The following CDK6 variants were observed in gnomAD, a reference collection of about 807,000 sequenced individuals.
CDK6 encodes the protein cyclin-dependent kinase 6.
CDK6 carries 6 observed loss-of-function variants against 37.1 expected under a neutral mutation model. The observed-to-expected ratio is 0.16, with a 90% CI of 0.09 to 0.32. The LOEUF (loss-of-function observed/expected upper bound fraction) is 0.32. Ranked by LOEUF, CDK6 falls within the 10% of genes least tolerant of loss-of-function variation. CDK6 has a pLI of 1.00. For synonymous variants in CDK6, 160 were observed against 161.3 expected (o/e 0.99, Z 0.06); for missense variants, 224 against 418.9 (o/e 0.53, Z 4.06).
Position 92,774,811 on chromosome 7 carries a change from A to C in CDK6, c.254T>G (p.Val85Gly), listed in dbSNP as rs1247454560. Reference sequence around the variant, plus strand: ...TTTGGTTTCTCTGTCTGTTCGTGACACTGTGCACACATCAAACAACCTAGA... The same window carrying C: ...TTTGGTTTCTCTGTCTGTTCGTGACCCTGTGCACACATCAAACAACCTAGA... Reference protein sequence around the residue: ...NVVRLFDVCTVSRTDRETKLT... With the variant: ...NVVRLFDVCTGSRTDRETKLT... Residue 85 changes from valine to glycine, a missense_variant, in exon 3 of 8, where the codon GTG becomes GGG. Val to Gly is a moderately radical substitution (Grantham distance 109, BLOSUM62 -3). Transcript: ENST00000424848. 1 of 1,611,042 alleles carries C rather than the reference A, an allele frequency of 6.2e-7. No homozygotes were observed. Among genetic ancestry groups the C allele is most frequent in the East Asian group, 2.2e-5 (1 of 44,724 alleles).
At chr7:92,741,988 T>A (rs1039131265) in intron 3 of CDK6, among the ~76,000 whole-genome samples, 1 of 152,136 alleles carries the variant, frequency 6.6e-6, no homozygotes, top group Non-Finnish European at 1.5e-5. Context: ...GCTTTTAATA[T>A]TTAAAGCATA....
intron 5 of CDK6, among the ~76,000 whole-genome samples, chr7:92,634,240 AT>A (rs1195087205): frequency 1.3e-5 from 2 of 151,920 alleles, no homozygotes; most frequent in Admixed American, 6.6e-5. Context: ...TCAGGTTACC[AT>A]TTTTCCCCCA....
intron 2 of CDK6, among the ~76,000 whole-genome samples, chr7:92,821,447 A>G (rs1166726573): frequency 6.6e-6 from 1 of 152,092 alleles, no homozygotes; most frequent in African/African-American, 2.4e-5. Context: ...AAGCCCCTAC[A>G]TGTTGGAGTA....
At chr7:92,787,237 A>G (rs1203851600) in intron 2 of CDK6, among the ~76,000 whole-genome samples, 3 of 151,702 alleles carry the variant, frequency 2.0e-5, no homozygotes, top group Non-Finnish European at 4.4e-5. Flanking sequence ...TCTGGGTGAT[A>G]AGATTTTGGA....
intron 4 of CDK6, among the ~76,000 whole-genome samples, chr7:92,716,902 GT>G (rs1282778525): frequency 6.6e-6 from 1 of 152,100 alleles, no homozygotes; most frequent in East Asian, 1.9e-4. Context: ...GAGGCAAAAT[GT>G]TTTTTCATCT....
chr7:92,607,596 AT>A lies in CDK6; in HGVS notation c.*7543del, dbSNP rs1795457210. 3.0e-5 allele frequency: 7 copies of A among 232,816 alleles called. No individual in the cohort carries two copies. The South Asian group carries it at 1.3e-3, about 42-fold the overall frequency. The allele number at this position is 232,816 out of a possible 1,614,324, so 14.4% of individuals were successfully genotyped here. A position where few individuals can be genotyped will look rare whatever the true frequency, so the allele number is the denominator to read the frequency against. ...GTCCATCAATACCATGATAATGAACATTAGATGCAAAATCCTAACACTTTCT... is the reference window on the plus strand; with the variant it reads ...GTCCATCAATACCATGATAATGAACATAGATGCAAAATCCTAACACTTTCT... On this transcript the variant is annotated 3_prime_UTR_variant, in exon 8 of 8. Transcript: ENST00000424848.
intron 3 of CDK6, among the ~76,000 whole-genome samples, chr7:92,738,295 GT>G (rs1798834014): frequency 2.0e-5 from 3 of 152,026 alleles, no homozygotes; most frequent in Admixed American, 2.0e-4. Flanking sequence ...TGAGAACTGG[GT>G]TAACGATCTA....
chr7:92,687,928 A>C (rs1797500626), intron 4 of CDK6, among the ~76,000 whole-genome samples: 1 of 152,102 alleles, frequency 6.6e-6, no homozygotes, highest in African/African-American at 2.4e-5. Context: ...ATATGTAAAA[A>C]CTGTGTATGC....
At chr7:92,679,436 G>A (rs902297719) in intron 4 of CDK6, among the ~76,000 whole-genome samples, 1 of 152,172 alleles carries the variant, frequency 6.6e-6, no homozygotes, top group Non-Finnish European at 1.5e-5. Flanking sequence ...GTGTTCCAGT[G>A]TGGTGATATT....
intron 2 of CDK6, among the ~76,000 whole-genome samples, chr7:92,821,142 T>C (rs1801162671): frequency 6.6e-6 from 1 of 152,060 alleles, no homozygotes; most frequent in Admixed American, 6.6e-5. Flanking sequence ...TGAGCCAACA[T>C]GTACATTCAA....
rs944565083 is a variant in CDK6, at chr7:92,606,042, G to A, written c.*9098C>T. The A allele has an allele frequency of 8.6e-6, 2 of 233,560 alleles. No individual in the cohort carries two copies. The highest frequency in any genetic ancestry group is 5.6e-5 in the Admixed American group (1 of 17,780). 14.5% of individuals were successfully genotyped at this position (233,560 alleles called of 1,614,324 possible). On this transcript the variant is annotated 3_prime_UTR_variant, in exon 8 of 8. Coordinates refer to ENST00000424848, the MANE Select transcript of CDK6 (RefSeq NM_001145306.2). ...GTAGCAATATAAGCAAACGGAATAAGAATAATTATGCACCTTTAAGGAACA... is the reference window on the plus strand; with the variant it reads ...GTAGCAATATAAGCAAACGGAATAAAAATAATTATGCACCTTTAAGGAACA...
At chr7:92,725,579 A>C in intron 4 of CDK6, 47 bp downstream of exon 4, 1 of 1,561,696 alleles carries the variant, frequency 6.4e-7, no homozygotes, top group Non-Finnish European at 8.7e-7. Flanking sequence ...CTGTCATTCA[A>C]AATAGGAAAA....
chr7:92,757,105 GT>G (rs1381051090), intron 3 of CDK6, among the ~76,000 whole-genome samples: 1 of 152,130 alleles, frequency 6.6e-6, no homozygotes, highest in Non-Finnish European at 1.5e-5. Flanking sequence ...TGCCAATATA[GT>G]CTTTAAGGAT....
intron 2 of CDK6, among the ~76,000 whole-genome samples, chr7:92,791,147 G>A (rs1378336090): frequency 6.6e-6 from 1 of 152,070 alleles, no homozygotes; most frequent in Non-Finnish European, 1.5e-5. Flanking sequence ...GGTTGAGTTG[G>A]CAGGACTTGC....
intron 3 of CDK6, among the ~76,000 whole-genome samples, chr7:92,772,575 G>A (rs1584073643): frequency 6.6e-6 from 1 of 151,578 alleles, no homozygotes; most frequent in African/African-American, 2.4e-5. Context: ...CCTTGTTCAA[G>A]AGCTTCTGGC....
chr7:92,655,886 TACAC>T (rs903512429), intron 5 of CDK6, among the ~76,000 whole-genome samples: 1 of 152,256 alleles, frequency 6.6e-6, no homozygotes, highest in South Asian at 2.1e-4. Context: ...CATTTGCACA[TACAC>T]ACACGCTCCT....
At chr7:92,757,016 T>G (rs572238444) in intron 3 of CDK6, among the ~76,000 whole-genome samples, 1 of 152,350 alleles carries the variant, frequency 6.6e-6, no homozygotes, top group African/African-American at 2.4e-5. Flanking sequence ...GTCATGGAAT[T>G]GGAAATGCTA....
intron 3 of CDK6, 87 bp downstream of exon 3, chr7:92,774,609 T>C (rs997720413): frequency 1.7e-6 from 2 of 1,195,030 alleles, no homozygotes; most frequent in African/African-American, 1.6e-5. Context: ...GTTGTAATTG[T>C]GGCAATTTTC....
chr7:92,739,311 CCAAGCTCCAGATGTGCAAACTTCTG>C lies in CDK6; in HGVS notation c.370-13543_370-13519del, dbSNP rs148015302. Among the ~76,000 whole-genome samples, 467 of 152,336 alleles carry C rather than the reference CCAAGCTCCAGATGTGCAAACTTCTG, an allele frequency of 3.1e-3. 1 individual carries two copies. The highest frequency in any genetic ancestry group is 0.011 in the African/African-American group (445 of 41,572). On this transcript the variant is annotated intron_variant, in intron 3 of 7. Coordinates refer to ENST00000424848, the MANE Select transcript of CDK6 (RefSeq NM_001145306.2). The stretch of plus-strand genomic sequence containing the variant: ...TCATAAGGCAGCTGGGGCTGCTCTC[CCAAGCTCCAGATGTGCAAACTTCTG>C]CATGTGCAAATGTACACATGCTTCC...
Sources: gnomAD v4.1 joint callset for allele counts (sites outside exome capture counted in the v4.1 genomes callset) on GRCh38, gnomAD v4.1.1 for gene constraint, MANE v1.5 for transcripts, NCBI Gene and HGNC (gene_info 2026-07-23, HGNC 2026-07-21) for gene names.